The following SMOX variants were observed in gnomAD, a reference collection of about 807,000 sequenced individuals.
SMOX encodes flavin containing amine oxidase.
SMOX carries 22 observed loss-of-function variants against 51.0 expected under a neutral mutation model. That is an observed-to-expected ratio of 0.43 (90% confidence interval 0.31 to 0.62). SMOX has a LOEUF of 0.62. SMOX is among the 20% of genes least tolerant of loss of function. The pLI, the probability that SMOX is intolerant of heterozygous loss-of-function variation, is 0.10. For synonymous variants in SMOX, 282 were observed against 307.8 expected, an observed-to-expected ratio of 0.92 and a Z score of 0.88; for missense variants, 566 against 777.7, an observed-to-expected ratio of 0.73 and a Z score of 3.24.
At chr20:4,186,749 A>C (rs1979763638) in intron 6 of SMOX, 1 of 780,828 alleles carries the variant, frequency 1.3e-6, no homozygotes. Flanking sequence ...CCAGCATGGA[A>C]GCTCCACAAA....
chr20:4,152,217 G>A (rs1393190503), intron 1 of SMOX, among the ~76,000 whole-genome samples: 1 of 152,184 alleles, frequency 6.6e-6, no homozygotes, highest in Non-Finnish European at 1.5e-5. Flanking sequence ...TGCAAGCTGG[G>A]TCAGCAGAGG....
chr20:4,157,888 G>C (rs1286579310), intron 1 of SMOX, among the ~76,000 whole-genome samples: 2 of 152,088 alleles, frequency 1.3e-5, no homozygotes, highest in African/African-American at 2.4e-5. Context: ...GGGGAGATGG[G>C]CTGTGGTATT....
chr20:4,174,029 C>T (rs1978627956), intron 1 of SMOX, among the ~76,000 whole-genome samples: 2 of 152,242 alleles, frequency 1.3e-5, no homozygotes, highest in Non-Finnish European at 2.9e-5. Context: ...CCTCTTGGTC[C>T]ACTGTTTCCT....
In SMOX at chr20:4,166,167, C is replaced by CTATTGTCA. The variant is rs1986561257; in HGVS notation, c.-26-8863_-26-8862insTATTGTCA. ...GTGTGATCTATTGTCAGAGTGTGAT[C>CTATTGTCA]GAGTTGCTAATTTTTGCTGAAGGTG... On this transcript the variant is annotated intron_variant, in intron 1 of 6. Coordinates refer to ENST00000305958, the MANE Select transcript of SMOX (RefSeq NM_175839.3). This position sits in a 1 kb window ranked among gnomAD's most constrained non-coding sequence, Gnocchi z 4.2. 1.3e-5 allele frequency among the ~76,000 whole-genome samples: 2 copies of CTATTGTCA among 152,014 alleles called. No individual in the cohort carries two copies. The highest frequency in any genetic ancestry group is 1.5e-5 in the Non-Finnish European group (1 of 68,000).
In SMOX at chr20:4,174,924, C is replaced by A. The variant is rs1199698968; in HGVS notation, c.-26-106C>A. 5.1e-6 allele frequency: 6 copies of A among 1,167,564 alleles called. No homozygotes were observed. The African/African-American group carries it at 7.6e-5, about 15-fold the overall frequency. The allele number at this position is 1,167,564 out of a possible 1,614,324, so 72.3% of individuals were successfully genotyped here. A position where few individuals can be genotyped will look rare whatever the true frequency, so the allele number is the denominator to read the frequency against. The stretch of plus-strand genomic sequence containing the variant: ...GGGAGGGAGAGGACTCCAGGTCCCC[C>A]CACCCACAACAGAGGGCAGAGTGTG... On this transcript the variant is annotated intron_variant, in intron 1 of 6. Coordinates refer to ENST00000305958, the MANE Select transcript of SMOX (RefSeq NM_175839.3).
chr20:4,181,664 T>C lies in SMOX; in HGVS notation c.436-139T>C. On this transcript the variant is annotated intron_variant, in intron 3 of 6. Coordinates refer to ENST00000305958, the MANE Select transcript of SMOX (RefSeq NM_175839.3). The surrounding 1 kb of genome is among the most constrained non-coding windows in gnomAD (Gnocchi z 5.6). ...TTTTGGTGCAGCATTGAGTGCAACATCGGATCCCTAAGGGACAGAGACCAG... is the reference window on the plus strand; with the variant it reads ...TTTTGGTGCAGCATTGAGTGCAACACCGGATCCCTAAGGGACAGAGACCAG... 9.6e-7 allele frequency: 1 copy of C among 1,038,974 alleles called. No homozygotes were observed. Among genetic ancestry groups the C allele is most frequent in the South Asian group, 1.6e-5 (1 of 62,022 alleles). The allele number at this position is 1,038,974 out of a possible 1,614,324, so 64.4% of individuals were successfully genotyped here.
rs146818844 is a variant in SMOX, at chr20:4,170,413, C to T, written c.-26-4617C>T. ...GTCAGACGTTGGAGACCAGGACTAA[C>T]GCGTGTCTCTCTAGTATTTGGCCAT... On this transcript the variant is annotated intron_variant, in intron 1 of 6. Coordinates refer to ENST00000305958, the MANE Select transcript of SMOX (RefSeq NM_175839.3). This position sits in a 1 kb window ranked among gnomAD's most constrained non-coding sequence, Gnocchi z 4.6. Among the ~76,000 whole-genome samples the T allele has an allele frequency of 2.3e-4, 35 of 152,178 alleles. No individual in the cohort carries two copies. In the East Asian group the frequency reaches 5.6e-3, roughly 24 times the overall value.
chr20:4,161,212 G>A (rs148954452), intron 1 of SMOX, among the ~76,000 whole-genome samples: 18 of 152,338 alleles, frequency 1.2e-4, no homozygotes, highest in African/African-American at 4.3e-4. Context: ...GCTGCAGAAT[G>A]GGTGGATCTC....
At chr20:4,171,314 C>T (rs1366757496) in intron 1 of SMOX, among the ~76,000 whole-genome samples, 1 of 152,174 alleles carries the variant, frequency 6.6e-6, no homozygotes, top group South Asian at 2.1e-4. Flanking sequence ...GGAAAGGAAA[C>T]GATGACACAA....
rs1239336615 is a variant in SMOX at position 4,172,334 on chromosome 20, G to A, written c.-26-2696G>A. 6.6e-6 allele frequency among the ~76,000 whole-genome samples: 1 copy of A among 152,206 alleles called. No homozygotes were observed. The highest frequency in any genetic ancestry group is 2.4e-5 in the African/African-American group (1 of 41,466). On this transcript the variant is annotated intron_variant, in intron 1 of 6. Coordinates refer to ENST00000305958, the MANE Select transcript of SMOX (RefSeq NM_175839.3). The surrounding 1 kb of genome is among the most constrained non-coding windows in gnomAD (Gnocchi z 7.7). ...CGCGTGTTTACCGACCTGACGCAGC[G>A]TCCCGGCCCGGCTGGCAGACATCCG...
chr20:4,150,725 T>C (rs1985697366), intron 1 of SMOX, among the ~76,000 whole-genome samples: 1 of 152,074 alleles, frequency 6.6e-6, no homozygotes, highest in Admixed American at 6.5e-5. Context: ...TGATGATTTA[T>C]GATGTCCTGG....
rs993184352 is a variant in SMOX at position 4,166,958 on chromosome 20, G to A, written c.-26-8072G>A. ...ACAATGTAATTGGAAAGAAGTCTGGGTGCCAGGCAGGATGATGGAGGCCTT... is the reference window on the plus strand; with the variant it reads ...ACAATGTAATTGGAAAGAAGTCTGGATGCCAGGCAGGATGATGGAGGCCTT... On this transcript the variant is annotated intron_variant, in intron 1 of 6. Coordinates refer to ENST00000305958, the MANE Select transcript of SMOX (RefSeq NM_175839.3). This position sits in a 1 kb window ranked among gnomAD's most constrained non-coding sequence, Gnocchi z 4.2. Among the ~76,000 whole-genome samples, 1 of 152,260 alleles carries A rather than the reference G, an allele frequency of 6.6e-6. No individual in the cohort carries two copies. The highest frequency in any genetic ancestry group is 2.4e-5 in the African/African-American group (1 of 41,476).
rs896377132 is a variant in SMOX at position 4,182,323 on chromosome 20, G to C, written c.844G>C (p.Gly282Arg). ...RPRGPEIEPR[G>R]EGDHNHDTGE... ...CAGAGGCCCTGAGATTGAGCCCCGG[G>C]GTGAGGGCGACCACAATCACGACAC... The change falls in exon 5 of 7, where the codon GGT (glycine) becomes CGT (arginine). Residue 282 changes from glycine (G) to arginine (R), a missense_variant. Gly to Arg is a moderately radical substitution (Grantham distance 125, BLOSUM62 -2). Around this residue, in one of 3 missense-constraint regions of SMOX, gnomAD observed 347 missense variants for 481.8 expected, o/e 0.72. Coordinates refer to ENST00000305958, the MANE Select transcript of SMOX (RefSeq NM_175839.3). This position sits in a 1 kb window ranked among gnomAD's most constrained non-coding sequence, Gnocchi z 8.4. The C allele has an allele frequency of 1.3e-6, 2 of 1,597,288 alleles. No individual in the cohort carries two copies. Among genetic ancestry groups the C allele is most frequent in the Admixed American group, 1.7e-5 (1 of 59,094 alleles).
At position 4,183,625 on chromosome 20, in the gene SMOX, C is replaced by G; in HGVS notation, c.1501C>G (p.Leu501Val). 6.3e-7 allele frequency: 1 copy of G among 1,596,584 alleles called. No individual in the cohort carries two copies. Among genetic ancestry groups the G allele is most frequent in the Non-Finnish European group, 8.5e-7 (1 of 1,171,188 alleles). The change falls in exon 6 of 7, where the codon CTG becomes GTG. Residue 501 changes from leucine to valine, a missense_variant. This residue lies in a region of SMOX where 347 missense variants were observed against 481.8 expected (regional missense o/e 0.72). Transcript: ENST00000305958. This position sits in a 1 kb window ranked among gnomAD's most constrained non-coding sequence, Gnocchi z 4.3. Reference sequence around the variant, plus strand: ...GGATGTGGAGAAGCTGGCCAAGCCCCTGCCGTACACAGAGAGCTCAAAGAC... The same window carrying G: ...GGATGTGGAGAAGCTGGCCAAGCCCGTGCCGTACACAGAGAGCTCAAAGAC... Reference protein sequence around the residue: ...GADVEKLAKPLPYTESSKTAP... With the variant: ...GADVEKLAKPVPYTESSKTAP...
At chr20:4,160,914 A>C (rs981344623) in intron 1 of SMOX, among the ~76,000 whole-genome samples, 1 of 152,080 alleles carries the variant, frequency 6.6e-6, no homozygotes, top group Non-Finnish European at 1.5e-5. Context: ...AGGAGGCAGG[A>C]TGGGCTTGCC....
intron 1 of SMOX, among the ~76,000 whole-genome samples, chr20:4,157,519 G>C (rs374134899): frequency 3.3e-5 from 5 of 152,304 alleles, no homozygotes; most frequent in African/African-American, 1.2e-4. Context: ...GTTTGAGTCT[G>C]AGAGTCAGAG....
In SMOX at chr20:4,172,393, G is replaced by A. The variant is rs1210363689; in HGVS notation, c.-26-2637G>A. ...GCCGCTGACCCTCCCCGCCCGCCCC[G>A]TGCAGGCGGCCACATCCTCACCTCT... On this transcript the variant is annotated intron_variant, in intron 1 of 6. Transcript: ENST00000305958. This position sits in a 1 kb window ranked among gnomAD's most constrained non-coding sequence, Gnocchi z 7.7. Among the ~76,000 whole-genome samples, 1 of 152,156 alleles carries A rather than the reference G, an allele frequency of 6.6e-6. No homozygotes were observed. The highest frequency in any genetic ancestry group is 1.5e-5 in the Non-Finnish European group (1 of 68,020).
chr20:4,170,594 G>A lies in SMOX; in HGVS notation c.-26-4436G>A, dbSNP rs536772495. 3.4e-4 allele frequency among the ~76,000 whole-genome samples: 52 copies of A among 152,140 alleles called. No individual in the cohort carries two copies. Among genetic ancestry groups the A allele is most frequent in the Non-Finnish European group, 6.6e-4 (45 of 68,034 alleles). On this transcript the variant is annotated intron_variant, in intron 1 of 6. Coordinates refer to ENST00000305958, the MANE Select transcript of SMOX (RefSeq NM_175839.3). The surrounding 1 kb of genome is among the most constrained non-coding windows in gnomAD (Gnocchi z 4.6). ...GTGTCAAAATGAAATTGGGGAGGAT[G>A]TTCCAGGGATGGGATGAAGAAGTGG...
At chr20:4,176,357 C>G (rs555036416) in intron 2 of SMOX, among the ~76,000 whole-genome samples, 44 of 152,238 alleles carry the variant, frequency 2.9e-4, no homozygotes, top group Non-Finnish European at 5.4e-4. Context: ...GTCCCTTTTC[C>G]CCAGCACACA....
Sources: gnomAD v4.1 joint callset for allele counts (sites outside exome capture counted in the v4.1 genomes callset) on GRCh38, gnomAD v4.1.1 for gene constraint, gnomAD v4.1.1 regional missense constraint, Gnocchi (gnomAD v3.1) non-coding constraint, MANE v1.5 for transcripts, NCBI Gene and HGNC (gene_info 2026-07-23, HGNC 2026-07-21) for gene names.